The following SZT2 variants were observed in gnomAD, a reference collection of about 807,000 sequenced individuals.
The protein encoded by SZT2 is KICSTOR complex protein SZT2.
Under a neutral mutation model 404.2 loss-of-function variants are expected in SZT2, and 216 were observed. The observed-to-expected ratio is 0.53, with a 90% CI of 0.48 to 0.60. The LOEUF (loss-of-function observed/expected upper bound fraction) is 0.60, where lower values mean the gene tolerates loss of function less well. SZT2 is among the 20% of genes least tolerant of loss of function. SZT2 has a pLI of 0.00. For missense variants in SZT2, 3,857 were observed against 4,459.2 expected, an observed-to-expected ratio of 0.86 and a Z score of 3.85; for synonymous variants, 1,693 against 1,749.9, an observed-to-expected ratio of 0.97 and a Z score of 0.81.
intron 7 of SZT2, among the ~76,000 whole-genome samples, chr1:43,419,135 C>T (rs982000990): frequency 6.6e-6 from 1 of 152,212 alleles, no homozygotes; most frequent in Non-Finnish European, 1.5e-5. Flanking sequence ...CTCAGCTCTG[C>T]TGTTGAAGCG....
In SZT2 at chr1:43,454,172, T is replaced by A. The variant is rs16830787; in HGVS notation, c.*3692T>A. Reference sequence around the variant, plus strand: ...TTTAATACTGAGTCTTTCCTCTGATTATAAAAATGCTATCTGTTCGTTAAG... The same window carrying A: ...TTTAATACTGAGTCTTTCCTCTGATAATAAAAATGCTATCTGTTCGTTAAG... On this transcript the variant is annotated 3_prime_UTR_variant, in exon 72 of 72. Transcript: ENST00000634258. 8,477 of 344,864 alleles carry A rather than the reference T, an allele frequency of 0.025. 755 individuals carry two copies. Among genetic ancestry groups the A allele is most frequent in the African/African-American group, 0.17 (7,924 of 45,384 alleles). 21.4% of individuals were successfully genotyped at this position (344,864 alleles called of 1,614,324 possible).
At position 43,424,205 on chromosome 1, in the gene SZT2, C is replaced by T. The variant is rs1652863431; in HGVS notation, c.2256-12C>T. On this transcript the variant is annotated splice_polypyrimidine_tract_variant and intron_variant, in intron 15 of 71. Transcript: ENST00000634258. The surrounding 1 kb of genome is among the most constrained non-coding windows in gnomAD (Gnocchi z 4.1). ...ATGAGAGAGATAGCTGGGGAGTTGT[C>T]CCATTTCCTAGGTATGAGAAGCTGC... is the stretch of plus-strand genomic sequence containing the variant. The T allele has an allele frequency of 1.3e-6, 2 of 1,594,846 alleles. No individual in the cohort carries two copies. The highest frequency in any genetic ancestry group is 1.7e-6 in the Non-Finnish European group (2 of 1,177,890).
chr1:43,436,855 A>G, intron 42 of SZT2: 1 of 396,410 alleles, frequency 2.5e-6, no homozygotes, highest in Non-Finnish European at 4.6e-6. Flanking sequence ...ACTGACATAT[A>G]TTATGACAGG....
Position 43,420,223 on chromosome 1 carries a change from G to A in SZT2, c.1161G>A (p.Arg387=). The A allele has an allele frequency of 6.3e-7, 1 of 1,598,458 alleles. No individual in the cohort carries two copies. Among genetic ancestry groups the A allele is most frequent in the Non-Finnish European group, 8.5e-7 (1 of 1,179,812 alleles). Residue 387 remains arginine (R), a synonymous_variant, in exon 9 of 72, where the codon CGG becomes CGA. Transcript: ENST00000634258. The surrounding 1 kb of genome is among the most constrained non-coding windows in gnomAD (Gnocchi z 5.1). ...GCAACCCTGCCCTGGCCTTGCGCCGGAAGAAGCACACTGAGAAGGAGGTGC... is the reference window on the plus strand; with the variant it reads ...GCAACCCTGCCCTGGCCTTGCGCCGAAAGAAGCACACTGAGAAGGAGGTGC... The part of the protein sequence containing the change: ...ASSNPALALR[R]KKHTEKEVPA...
In SZT2 at chr1:43,452,602, A is replaced by T. The variant is rs930329715; in HGVS notation, c.*2122A>T. On this transcript the variant is annotated 3_prime_UTR_variant, in exon 72 of 72. Transcript: ENST00000634258. Reference sequence around the variant, plus strand: ...CTTCTCCGCAACCTGTAACCTGCTAAATTCTCACCTTTAAAAATTGTCCTG... The same window carrying T: ...CTTCTCCGCAACCTGTAACCTGCTATATTCTCACCTTTAAAAATTGTCCTG... The T allele has an allele frequency of 5.0e-6, 3 of 597,836 alleles. No individual in the cohort carries two copies. The highest frequency in any genetic ancestry group is 9.0e-6 in the Non-Finnish European group (3 of 334,734). The allele number at this position is 597,836 out of a possible 1,614,324, so 37.0% of individuals were successfully genotyped here.
Position 43,451,112 on chromosome 1 carries a change from A to T in SZT2, c.*632A>T. The stretch of plus-strand genomic sequence containing the variant: ...GAAGCAGCAGAGAAACTGAAGTGTT[A>T]GACACTATGTGTCCCACCACCCCAT... On this transcript the variant is annotated 3_prime_UTR_variant, in exon 72 of 72. Coordinates refer to ENST00000634258, the MANE Select transcript of SZT2 (RefSeq NM_001365999.1). 1 of 946,142 alleles carries T rather than the reference A, an allele frequency of 1.1e-6. No homozygotes were observed. Among genetic ancestry groups the T allele is most frequent in the Non-Finnish European group, 1.7e-6 (1 of 580,216 alleles). The allele number at this position is 946,142 out of a possible 1,614,324, so 58.6% of individuals were successfully genotyped here.
chr1:43,422,655 AC>A, intron 13 of SZT2, 23 bp downstream of exon 13: 5 of 1,095,004 alleles, frequency 4.6e-6, no homozygotes, highest in Non-Finnish European at 5.8e-6. Flanking sequence ...ATGTCCCTTC[AC>A]CCCCCGCCCC....
Position 43,426,779 on chromosome 1 carries a change from G to A in SZT2, c.3279G>A (p.Gln1093=), listed in dbSNP as rs1463071557. Residue 1093 remains glutamine (Q), a synonymous_variant, in exon 23 of 72, where the codon CAG becomes CAA. Transcript: ENST00000634258. This position sits in a 1 kb window ranked among gnomAD's most constrained non-coding sequence, Gnocchi z 4.9. ...AGGAGCAAGCAGTCGGCAGCACCCAGGCCACAGGAGACTCCGCTTTTACTT... is the reference window on the plus strand; with the variant it reads ...AGGAGCAAGCAGTCGGCAGCACCCAAGCCACAGGAGACTCCGCTTTTACTT... The part of the protein sequence containing the change: ...IPKEQAVGST[Q]ATGDSAFTSL... 6.2e-7 allele frequency: 1 copy of A among 1,613,724 alleles called. No individual in the cohort carries two copies. Among genetic ancestry groups the A allele is most frequent in the African/African-American group, 1.3e-5 (1 of 74,914 alleles).
At position 43,428,400 on chromosome 1, in the gene SZT2, T is replaced by C. The variant is rs775980814; in HGVS notation, c.4080T>C (p.Pro1360=). Residue 1360 remains proline (P), a synonymous_variant, in exon 28 of 72, where the codon CCT becomes CCC. Transcript: ENST00000634258. ...TWGLPHAPPS[P]GPLSPGPFSS... ...GTTTGCCTCATGCACCCCCAAGTCC[T>C]GGTCCTCTCAGCCCTGGGCCCTTCA... 5 of 1,614,056 alleles carry C rather than the reference T, an allele frequency of 3.1e-6. No homozygotes were observed. In the African/African-American group the frequency reaches 4.0e-5, roughly 13 times the overall value.
At chr1:43,431,568 G>T in intron 35 of SZT2, 45 bp downstream of exon 35, 2 of 1,610,992 alleles carry the variant, frequency 1.2e-6, no homozygotes, top group Non-Finnish European at 1.7e-6. Context: ...CCTTTCCATC[G>T]TATGAGTGAG....
rs1654097009 is a variant in SZT2 at position 43,433,110 on chromosome 1, C to T, written c.5724C>T (p.Gly1908=). Residue 1908 remains glycine, a synonymous_variant, in exon 40 of 72, where the codon GGC becomes GGT. Transcript: ENST00000634258. ...GPAPPQPSLS[G]LPGPCLPDFW... is the part of the protein sequence containing the mutation. ...CACCTCCACAGCCTTCACTCTCAGG[C>T]CTCCCTGGGCCCTGCCTGCCTGACT... 1 of 1,614,162 alleles carries T rather than the reference C, an allele frequency of 6.2e-7. No homozygotes were observed.
At position 43,450,848 on chromosome 1, in the gene SZT2, A is replaced by C. The variant is rs1202132349; in HGVS notation, c.*368A>C. 1 of 710,734 alleles carries C rather than the reference A, an allele frequency of 1.4e-6. No homozygotes were observed. Among genetic ancestry groups the C allele is most frequent in the African/African-American group, 1.7e-5 (1 of 57,914 alleles). The allele number at this position is 710,734 out of a possible 1,614,324, so 44.0% of individuals were successfully genotyped here. ...GAATCCTGCCCCCTAGCCTTTGACC[A>C]CTGTCAGCCACCTGTGTCCCTTGAG... On this transcript the variant is annotated 3_prime_UTR_variant, in exon 72 of 72. Coordinates refer to ENST00000634258, the MANE Select transcript of SZT2 (RefSeq NM_001365999.1). The surrounding 1 kb of genome is among the most constrained non-coding windows in gnomAD (Gnocchi z 4.3).
chr1:43,410,636 C>T (rs1045083076), intron 4 of SZT2: 1 of 151,570 alleles, frequency 6.6e-6, no homozygotes, highest in Non-Finnish European at 1.5e-5. Context: ...TGGAGAAACG[C>T]TCCATGACAC....
rs1175649127 is a variant in SZT2 at position 43,425,619 on chromosome 1, A to G, written c.2791A>G (p.Thr931Ala). Residue 931 changes from threonine to alanine, a missense_variant, in exon 19 of 72, where the codon ACG becomes GCG. Around this residue, in one of 7 missense-constraint regions of SZT2, gnomAD observed 1,725 missense variants for 1,881.0 expected, o/e 0.92. Coordinates refer to ENST00000634258, the MANE Select transcript of SZT2 (RefSeq NM_001365999.1). This position sits in a 1 kb window ranked among gnomAD's most constrained non-coding sequence, Gnocchi z 4.3. ...AATCTGGAAGCACCTCCAGGACCTG[A>G]CGTATTCTGAGATCCCGCAAGCTGT... is the stretch of plus-strand genomic sequence containing the variant. ...PGIWKHLQDL[T>A]YSEIPQALHP... 1 of 1,614,082 alleles carries G rather than the reference A, an allele frequency of 6.2e-7. No homozygotes were observed.
intron 4 of SZT2, among the ~76,000 whole-genome samples, chr1:43,413,798 G>C (rs903527669): frequency 1.3e-5 from 2 of 152,192 alleles, no homozygotes; most frequent in African/African-American, 4.8e-5. Flanking sequence ...GTTACCAAAG[G>C]CTGGGAAGGG....
At chr1:43,429,393 G>A (rs1653581888) in intron 28 of SZT2, 5 of 281,280 alleles carry the variant, frequency 1.8e-5, no homozygotes, top group South Asian at 1.7e-4. Context: ...AATTAGCTGG[G>A]CGTGGTGGCA....
Position 43,448,238 on chromosome 1 carries a change from G to A in SZT2, c.9723G>A (p.Ala3241=), listed in dbSNP as rs146635122. The A allele has an allele frequency of 1.5e-3, 2,337 of 1,593,688 alleles. 16 individuals are homozygous for A. The highest frequency in any genetic ancestry group is 0.012 in the Middle Eastern group (70 of 6,016). ...SPGEASGLIL[A]PGPAPLFPPL... The stretch of plus-strand genomic sequence containing the variant: ...GGGAGGCCTCAGGGCTTATTCTAGC[G>A]CCTGGACCGGCTCCTCTGTTCCCAC... Residue 3241 remains alanine (A), a synonymous_variant, in exon 69 of 72, where the codon GCG becomes GCA. Coordinates refer to ENST00000634258, the MANE Select transcript of SZT2 (RefSeq NM_001365999.1). The surrounding 1 kb of genome is among the most constrained non-coding windows in gnomAD (Gnocchi z 4.2).
chr1:43,435,660 C>A, intron 42 of SZT2: 1 of 208,944 alleles, frequency 4.8e-6, no homozygotes, highest in Non-Finnish European at 9.6e-6. Context: ...ATAGATACGG[C>A]AGTAACTAAA....
Position 43,453,505 on chromosome 1 carries a change from G to C in SZT2, c.*3025G>C, listed in dbSNP as rs1392475851. 1.3e-6 allele frequency: 2 copies of C among 1,546,984 alleles called. No homozygotes were observed. Among genetic ancestry groups the C allele is most frequent in the African/African-American group, 2.7e-5 (2 of 73,010 alleles). On this transcript the variant is annotated 3_prime_UTR_variant, in exon 72 of 72. Transcript: ENST00000634258. ...CCCCCTTCTCTTGGTCTCCTGCAGA[G>C]AGAACGGGCCTCAGCCCCCGGCTCG...
Sources: allele counts gnomAD v4.1 joint callset (sites outside exome capture counted in the v4.1 genomes callset), GRCh38; gene constraint gnomAD v4.1.1; regional missense constraint gnomAD v4.1.1; non-coding constraint Gnocchi (gnomAD v3.1); transcripts MANE v1.5; gene names NCBI Gene and HGNC (gene_info 2026-07-23, HGNC 2026-07-21).